Variants in ST8SIA6 observed in about 807,000 individuals in gnomAD.
ST8SIA6 encodes the protein ST8 alpha-N-acetyl-neuraminide alpha-2,8-sialyltransferase 6, also known as alpha-2,8-sialyltransferase 8F.
A neutral mutation model predicts 33.6 loss-of-function variants in ST8SIA6; 39 were observed. The observed-to-expected ratio is 1.16, with a 90% CI of 0.90 to 1.52. The LOEUF is 1.52. Ranked by LOEUF, ST8SIA6 falls within the 40% of genes most tolerant of loss-of-function variation. The pLI, the probability that ST8SIA6 is intolerant of heterozygous loss-of-function variation, is 0.00. For synonymous variants in ST8SIA6, 172 were observed against 167.2 expected, an observed-to-expected ratio of 1.03 and a Z score of -0.22; for missense variants, 441 against 443.8, an observed-to-expected ratio of 0.99 and a Z score of 0.06.
At chr10:17,430,075 A>G (rs894989326) in intron 2 of ST8SIA6, among the ~76,000 whole-genome samples, 13 of 152,066 alleles carry the variant, frequency 8.5e-5, no homozygotes, top group African/African-American at 1.4e-4. Flanking sequence ...CTGAGTCTCT[A>G]AAGACCATTA....
At chr10:17,333,529 G>T (rs888755546) in intron 4 of ST8SIA6, among the ~76,000 whole-genome samples, 1 of 150,720 alleles carries the variant, frequency 6.6e-6, no homozygotes, top group Non-Finnish European at 1.5e-5. Flanking sequence ...GCGTGGTACT[G>T]GTACCAAAAC....
At chr10:17,364,632 G>A (rs1849500487) in intron 3 of ST8SIA6, among the ~76,000 whole-genome samples, 1 of 152,112 alleles carries the variant, frequency 6.6e-6, no homozygotes, top group Non-Finnish European at 1.5e-5. Flanking sequence ...AGCTTTTTGA[G>A]AAAATTAAGA....
At chr10:17,406,791 C>CT (rs1281929219) in intron 2 of ST8SIA6, among the ~76,000 whole-genome samples, 6,452 of 114,442 alleles carry the variant, frequency 0.056, 261 homozygotes, top group Non-Finnish European at 0.083. Context: ...GAGGGCTAAT[C>CT]TTTTTTTTTT....
In ST8SIA6 at chr10:17,445,516, C is replaced by T. The variant is rs1040102176; in HGVS notation, c.200+8043G>A. 4.6e-5 allele frequency among the ~76,000 whole-genome samples: 7 copies of T among 152,250 alleles called. No homozygotes were observed. The South Asian group carries it at 1.4e-3, about 32-fold the overall frequency. On this transcript the variant is annotated intron_variant, in intron 2 of 7. Coordinates refer to ENST00000377602, the MANE Select transcript of ST8SIA6 (RefSeq NM_001004470.3). ...AAAAAACTAGAGAGGTTTTGATTCT[C>T]CTCCCACCGTCTGCCTTTCTTTTCC...
At chr10:17,326,982 T>C (rs371214953) in intron 6 of ST8SIA6, 32 bp downstream of exon 6, 1 of 1,480,602 alleles carries the variant, frequency 6.8e-7, no homozygotes. Context: ...ACTGATCTAT[T>C]GTTTCAAAGA....
intron 2 of ST8SIA6, among the ~76,000 whole-genome samples, chr10:17,411,399 T>G (rs576294761): frequency 6.6e-6 from 1 of 152,234 alleles, no homozygotes; most frequent in South Asian, 2.1e-4. Flanking sequence ...GCCAGGCTGG[T>G]CTCGAACTCC....
rs79718546 is a variant in ST8SIA6 at position 17,328,465 on chromosome 10, C to G, written c.523-1339G>C. Among the ~76,000 whole-genome samples the G allele has an allele frequency of 7.5e-3, 1,146 of 152,316 alleles. 14 individuals are homozygous for G. Among genetic ancestry groups the G allele is most frequent in the African/African-American group, 0.026 (1,076 of 41,560 alleles). ...TTCAATTCAATGGTGCGCTTTCCTT[C>G]CCTCTCCTGGTCACTTTCCATGAAG... On this transcript the variant is annotated intron_variant, in intron 5 of 7. Transcript: ENST00000377602.
intron 3 of ST8SIA6, among the ~76,000 whole-genome samples, chr10:17,368,120 G>A (rs138637776): frequency 0.011 from 1,621 of 151,652 alleles, 14 homozygotes; most frequent in Middle Eastern, 0.038. Flanking sequence ...TCTCCGCCAG[G>A]CGCAGTGGCT....
intron 2 of ST8SIA6, among the ~76,000 whole-genome samples, chr10:17,431,989 G>A (rs534986921): frequency 4.6e-4 from 70 of 152,284 alleles, no homozygotes; most frequent in African/African-American, 1.7e-3. Flanking sequence ...GAGGCTGAAG[G>A]GAGAGACAGC....
intron 6 of ST8SIA6, among the ~76,000 whole-genome samples, chr10:17,324,711 A>ACACACACG (rs1465594585): frequency 3.1e-5 from 2 of 64,676 alleles, no homozygotes; most frequent in African/African-American, 1.8e-4. Context: ...TAGAGTATAC[A>ACACACACG]CACACACACA....
chr10:17,419,281 C>G (rs551051135), intron 2 of ST8SIA6, among the ~76,000 whole-genome samples: 1 of 152,162 alleles, frequency 6.6e-6, no homozygotes, highest in East Asian at 1.9e-4. Flanking sequence ...CCTGTAATCC[C>G]AGCACTTTGG....
chr10:17,434,885 C>T (rs879392708), intron 2 of ST8SIA6, among the ~76,000 whole-genome samples: 5 of 152,146 alleles, frequency 3.3e-5, no homozygotes, highest in Non-Finnish European at 7.3e-5. Context: ...TGGAGGTGGC[C>T]ACCAGAACAC....
At chr10:17,323,480 C>T (rs573697653) in intron 6 of ST8SIA6, among the ~76,000 whole-genome samples, 36 of 149,600 alleles carry the variant, frequency 2.4e-4, no homozygotes, top group African/African-American at 7.9e-4. Context: ...CTGCAACCTC[C>T]GCCTCTCGGA....
intron 2 of ST8SIA6, among the ~76,000 whole-genome samples, chr10:17,427,343 T>A (rs1287050136): frequency 6.6e-6 from 1 of 152,076 alleles, no homozygotes; most frequent in African/African-American, 2.4e-5. Context: ...TTCTAAGGAG[T>A]TCCCTGGTGC....
intron 4 of ST8SIA6, among the ~76,000 whole-genome samples, chr10:17,358,538 T>C (rs113568990): frequency 1.3e-5 from 2 of 148,970 alleles, no homozygotes; most frequent in South Asian, 4.2e-4. Context: ...TAGCACAAAA[T>C]TGGAATGGGA....
At chr10:17,389,848 G>T (rs1422160802) in intron 3 of ST8SIA6, among the ~76,000 whole-genome samples, 2 of 152,080 alleles carry the variant, frequency 1.3e-5, no homozygotes, top group Non-Finnish European at 2.9e-5. Context: ...TTAGAGACAG[G>T]ATTTCGGTCT....
chr10:17,326,093 G>T (rs560812585), intron 6 of ST8SIA6, among the ~76,000 whole-genome samples: 1 of 152,144 alleles, frequency 6.6e-6, no homozygotes, highest in African/African-American at 2.4e-5. Flanking sequence ...TTCAATAATT[G>T]TTGCACTGTC....
intron 4 of ST8SIA6, among the ~76,000 whole-genome samples, chr10:17,333,368 C>G (rs28847282): frequency 6.6e-6 from 1 of 151,924 alleles, no homozygotes; most frequent in Non-Finnish European, 1.5e-5. Context: ...CATTGACATT[C>G]TTCACAGAAT....
At chr10:17,326,260 A>C (rs949454686) in intron 6 of ST8SIA6, among the ~76,000 whole-genome samples, 1 of 152,202 alleles carries the variant, frequency 6.6e-6, no homozygotes, top group African/African-American at 2.4e-5. Flanking sequence ...CTGATGTATG[A>C]AATCAGTGCT....
Sources: gnomAD v4.1 joint callset for allele counts (sites outside exome capture counted in the v4.1 genomes callset) on GRCh38, gnomAD v4.1.1 for gene constraint, MANE v1.5 for transcripts, NCBI Gene and HGNC (gene_info 2026-07-23, HGNC 2026-07-21) for gene names.